The following HMGCS2 variants were observed in gnomAD, a reference collection of about 807,000 sequenced individuals.
The protein encoded by HMGCS2 is 3-hydroxy-3-methylglutaryl-CoA synthase 2.
In HMGCS2, 50 loss-of-function variants were observed where a neutral mutation model predicts 57.4. The observed-to-expected ratio is 0.87, with a 90% confidence interval of 0.69 to 1.10. HMGCS2 has a LOEUF of 1.10. Among genes scored for constraint, HMGCS2 ranks in the 50% least tolerant of loss-of-function variants. The pLI is 0.00. For synonymous variants in HMGCS2, 254 were observed against 245.1 expected (o/e 1.04, Z -0.34); for missense variants, 627 against 636.5 (o/e 0.99, Z 0.16).
chr1:119,749,345 C>A (rs1175326142), intron 9 of HMGCS2, among the ~76,000 whole-genome samples: 5 of 151,524 alleles, frequency 3.3e-5, no homozygotes, highest in African/African-American at 1.2e-4. Flanking sequence ...TTCTCTTTCT[C>A]TCTCCCCCTC....
intron 2 of HMGCS2, among the ~76,000 whole-genome samples, chr1:119,762,903 G>A (rs2101270177): frequency 6.6e-6 from 1 of 152,200 alleles, no homozygotes. Flanking sequence ...CTCAAGAATA[G>A]GCTCTTTGAT....
intron 6 of HMGCS2, among the ~76,000 whole-genome samples, chr1:119,753,776 C>A (rs965437114): frequency 5.3e-5 from 8 of 152,018 alleles, no homozygotes; most frequent in African/African-American, 1.9e-4. Context: ...ACCCTTCAGG[C>A]TCCCATGTTG....
chr1:119,768,154 G>A (rs373109092), intron 1 of HMGCS2, among the ~76,000 whole-genome samples: 50 of 152,144 alleles, frequency 3.3e-4, no homozygotes, highest in African/African-American at 1.2e-3. Context: ...TACCATCATC[G>A]CTGACAATGG....
Position 119,764,236 on chromosome 1 carries a change from G to T in HMGCS2, c.495C>A (p.Ala165=), listed in dbSNP as rs1255800042. ...TDIEGIDTTN[A]CYGGTASLFN... is the part of the protein sequence containing the mutation. ...AGAGGGAGGCAGTACCACCGTAGCA[G>T]GCATTGGTGGTATCTATGCCCTCAA... The change falls in exon 2 of 10, where the codon GCC becomes GCA. Residue 165 remains alanine, a synonymous_variant. Transcript: ENST00000369406. The T allele has an allele frequency of 9.3e-6, 15 of 1,614,002 alleles. No individual in the cohort carries two copies. Among genetic ancestry groups the T allele is most frequent in the Non-Finnish European group, 1.3e-5 (15 of 1,180,002 alleles).
At position 119,754,695 on chromosome 1, in the gene HMGCS2, G is replaced by A. The variant is rs145949122; in HGVS notation, c.1187+732C>T. Among the ~76,000 whole-genome samples, 1,100 of 152,294 alleles carry A rather than the reference G, an allele frequency of 7.2e-3. 55 individuals carry two copies. The highest frequency in any genetic ancestry group is 0.064 in the Admixed American group (985 of 15,292). ...AGTTGGGGAAGGTGAGGTGCATTGA[G>A]GTTAAGTATTATCCAAAGTCAACCC... On this transcript the variant is annotated intron_variant, in intron 6 of 9. Transcript: ENST00000369406.
At chr1:119,757,185 G>T in intron 5 of HMGCS2, 88 bp downstream of exon 5, 1 of 1,605,070 alleles carries the variant, frequency 6.2e-7, no homozygotes. Flanking sequence ...CCCCACAGGG[G>T]TGCTGGTGGT....
At chr1:119,759,827 G>A in intron 3 of HMGCS2, 37 bp downstream of exon 3, 1 of 1,612,634 alleles carries the variant, frequency 6.2e-7, no homozygotes, top group South Asian at 1.1e-5. Flanking sequence ...TCTTGGCTAT[G>A]CCATGCACAG....
intron 2 of HMGCS2, among the ~76,000 whole-genome samples, chr1:119,761,077 G>A (rs1448796501): frequency 6.7e-6 from 1 of 149,498 alleles, no homozygotes; most frequent in Non-Finnish European, 1.5e-5. Context: ...ATGTGCATGT[G>A]TGTGTGTGTA....
intron 2 of HMGCS2, among the ~76,000 whole-genome samples, chr1:119,761,026 T>A (rs1653019141): frequency 1.3e-5 from 2 of 151,530 alleles, no homozygotes; most frequent in Admixed American, 1.3e-4. Context: ...CAATCCCAAC[T>A]CCAACATCAA....
At chr1:119,767,593 A>G (rs1265201223) in intron 1 of HMGCS2, among the ~76,000 whole-genome samples, 2 of 152,230 alleles carry the variant, frequency 1.3e-5, no homozygotes, top group Non-Finnish European at 1.5e-5. Context: ...AAAGGCGATT[A>G]GACATATAGA....
chr1:119,749,151 C>CT (rs1374903068), intron 9 of HMGCS2, among the ~76,000 whole-genome samples: 11 of 152,158 alleles, frequency 7.2e-5, no homozygotes, highest in Non-Finnish European at 1.3e-4. Context: ...GACAGCAGCC[C>CT]TTCATTTCTG....
chr1:119,765,143 C>G (rs1449572970), intron 1 of HMGCS2, among the ~76,000 whole-genome samples: 1 of 152,202 alleles, frequency 6.6e-6, no homozygotes, highest in Non-Finnish European at 1.5e-5. Flanking sequence ...GAGTCTCACT[C>G]TGTCACCCAA....
In HMGCS2 at chr1:119,753,339, T is replaced by C. The variant is rs1652723944; in HGVS notation, c.1235A>G (p.Tyr412Cys). 6.2e-7 allele frequency: 1 copy of C among 1,612,996 alleles called. No homozygotes were observed. Among genetic ancestry groups the C allele is most frequent in the East Asian group, 2.2e-5 (1 of 44,840 alleles). Reference protein sequence around the residue: ...LAGSRIGAFSYGSGLAASFFS... With the variant: ...LAGSRIGAFSCGSGLAASFFS... ...GAAACTTGCTGCTAAACCAGAGCCA[T>C]AAGAGAAGGCACCAATCCTGGAGCC... Residue 412 changes from tyrosine (Y) to cysteine (C), a missense_variant, in exon 7 of 10, where the codon TAT (tyrosine) becomes TGT (cysteine). Physicochemically the swap from Tyr to Cys is radical, Grantham distance 194 (BLOSUM62 -2). Coordinates refer to ENST00000369406, the MANE Select transcript of HMGCS2 (RefSeq NM_005518.4).
chr1:119,761,009 A>C (rs1187905901), intron 2 of HMGCS2, among the ~76,000 whole-genome samples: 1 of 151,896 alleles, frequency 6.6e-6, no homozygotes, highest in Non-Finnish European at 1.5e-5. Flanking sequence ...TCTCTTAAGA[A>C]TTATAACAAT....
At chr1:119,761,357 T>C (rs1338003663) in intron 2 of HMGCS2, among the ~76,000 whole-genome samples, 4 of 151,958 alleles carry the variant, frequency 2.6e-5, no homozygotes, top group Admixed American at 2.0e-4. Flanking sequence ...AATTTGATTA[T>C]CTAAAAATCA....
rs1652947931 is a variant in HMGCS2, at chr1:119,759,140, T to A, written c.828A>T (p.Lys276Asn). The A allele has an allele frequency of 6.2e-7, 1 of 1,614,068 alleles. No homozygotes were observed. Among genetic ancestry groups the A allele is most frequent in the Non-Finnish European group, 8.5e-7 (1 of 1,180,030 alleles). The change falls in exon 4 of 10, where the codon AAA (lysine) becomes AAT (asparagine). Residue 276 changes from lysine (K) to asparagine (N), a missense_variant. Physicochemically the swap from Lys to Asn is moderately conservative, Grantham distance 94. Transcript: ENST00000369406. ...TACCTTGCTTCCACTGATTCTGGAT[T>A]TTTTTACGGTATGATGTGTAACATC... ...LDRCYTSYRK[K>N]IQNQWKQAGS...
intron 3 of HMGCS2, 117 bp downstream of exon 3, chr1:119,759,747 C>A (rs1571037987): frequency 2.3e-6 from 3 of 1,276,690 alleles, no homozygotes; most frequent in South Asian, 1.2e-5. Flanking sequence ...TAGAGGCAAG[C>A]AATACCATCC....
intron 4 of HMGCS2, 88 bp downstream of exon 4, chr1:119,759,030 G>A: frequency 8.0e-7 from 1 of 1,247,142 alleles, no homozygotes; most frequent in Non-Finnish European, 1.2e-6. Context: ...TTCAAGGCAG[G>A]AGAGAAAAGA....
In HMGCS2 at chr1:119,759,938, T is replaced by G. The variant is rs1652982553; in HGVS notation, c.611A>C (p.Asn204Thr). Residue 204 changes from asparagine (N) to threonine (T), a missense_variant, in exon 3 of 10, where the codon AAT becomes ACT. Coordinates refer to ENST00000369406, the MANE Select transcript of HMGCS2 (RefSeq NM_005518.4). ...TCCGGCCCCACCTGTGGGACGAGCATTACCACTGGGATAGACGGCAATGTC... is the reference window on the plus strand; with the variant it reads ...TCCGGCCCCACCTGTGGGACGAGCAGTACCACTGGGATAGACGGCAATGTC... ...CGDIAVYPSG[N>T]ARPTGGAGAV... The G allele has an allele frequency of 6.2e-7, 1 of 1,614,052 alleles. No homozygotes were observed. The highest frequency in any genetic ancestry group is 1.3e-5 in the African/African-American group (1 of 75,040).
Sources: allele counts gnomAD v4.1 joint callset (sites outside exome capture counted in the v4.1 genomes callset), GRCh38; gene constraint gnomAD v4.1.1; transcripts MANE v1.5; gene names NCBI Gene and HGNC (gene_info 2026-07-23, HGNC 2026-07-21).